Variants in SIPA1L1 observed in about 807,000 individuals in gnomAD.
SIPA1L1 encodes signal-induced proliferation-associated 1-like protein 1.
Under a neutral mutation model 162.7 loss-of-function variants are expected in SIPA1L1, and 26 were observed. The observed-to-expected ratio is 0.16, with a 90% CI of 0.12 to 0.22. The LOEUF (loss-of-function observed/expected upper bound fraction) is 0.22, where lower values mean the gene tolerates loss of function less well. SIPA1L1 is among the 10% of genes least tolerant of loss of function. SIPA1L1 has a pLI of 1.00. For missense variants in SIPA1L1, 1,874 were observed against 2,241.0 expected, an observed-to-expected ratio of 0.84 and a Z score of 3.31; for synonymous variants, 829 against 837.4, an observed-to-expected ratio of 0.99 and a Z score of 0.17.
At chr14:71,345,363 T>C (rs1198230421) in intron 2 of SIPA1L1, among the ~76,000 whole-genome samples, 3 of 152,180 alleles carry the variant, frequency 2.0e-5, no homozygotes, top group African/African-American at 7.2e-5. Flanking sequence ...GTGCCAGTCC[T>C]TTGGGATTCA....
At chr14:71,446,191 A>G (rs1026161616) in intron 2 of SIPA1L1, among the ~76,000 whole-genome samples, 22 of 152,100 alleles carry the variant, frequency 1.4e-4, no homozygotes, top group African/African-American at 4.8e-4. Flanking sequence ...TTTGCCAACT[A>G]AGTAAGTAAA....
At chr14:71,392,166 T>C (rs1234214442) in intron 2 of SIPA1L1, among the ~76,000 whole-genome samples, 2 of 152,156 alleles carry the variant, frequency 1.3e-5, no homozygotes, top group Non-Finnish European at 2.9e-5. Flanking sequence ...ACCCATTATC[T>C]CCTGAGGACA....
chr14:71,535,433 G>A (rs2053809043), intron 4 of SIPA1L1, among the ~76,000 whole-genome samples: 1 of 152,142 alleles, frequency 6.6e-6, no homozygotes, highest in Non-Finnish European at 1.5e-5. Flanking sequence ...TGATTCTTAA[G>A]TGAAGGGATA....
chr14:71,350,196 G>C (rs2036558869), intron 2 of SIPA1L1, among the ~76,000 whole-genome samples: 1 of 151,584 alleles, frequency 6.6e-6, no homozygotes, highest in Non-Finnish European at 1.5e-5. Flanking sequence ...CACCGCGCCT[G>C]GTTAATGTGG....
intron 2 of SIPA1L1, among the ~76,000 whole-genome samples, chr14:71,444,630 A>G (rs2045203632): frequency 6.6e-6 from 1 of 152,106 alleles, no homozygotes; most frequent in African/African-American, 2.4e-5. Context: ...TCTCAGTGTG[A>G]CTGTGAAAAG....
At position 71,677,217 on chromosome 14, in the gene SIPA1L1, A is replaced by G. The variant is rs145783279; in HGVS notation, c.3104+4595A>G. ...TGTGGTTTTGATTTGCATTTCTCTG[A>G]TGGCCAGTGATGATGAGCATTTTTT... On this transcript the variant is annotated intron_variant, in intron 12 of 23. Transcript: ENST00000381232. Among the ~76,000 whole-genome samples the G allele has an allele frequency of 5.6e-4, 86 of 152,310 alleles. No homozygotes were observed. In the East Asian group the frequency reaches 0.014, roughly 25 times the overall value.
chr14:71,573,800 G>C (rs1282066661), intron 4 of SIPA1L1: 1 of 439,832 alleles, frequency 2.3e-6, no homozygotes, highest in Non-Finnish European at 4.6e-6. Context: ...GTGGTTACTG[G>C]TATTCCAGTA....
intron 5 of SIPA1L1, among the ~76,000 whole-genome samples, chr14:71,594,502 A>G (rs1006712692): frequency 6.6e-6 from 1 of 152,188 alleles, no homozygotes; most frequent in African/African-American, 2.4e-5. Flanking sequence ...ATGCCTTACA[A>G]TTCAGTGTTC....
intron 4 of SIPA1L1, among the ~76,000 whole-genome samples, chr14:71,569,558 A>C (rs1031383202): frequency 8.5e-5 from 13 of 152,340 alleles, no homozygotes; most frequent in African/African-American, 3.1e-4. Flanking sequence ...AACTACAAAT[A>C]TGGCATTTGT....
chr14:71,569,683 G>A (rs375122216), intron 4 of SIPA1L1, among the ~76,000 whole-genome samples: 49 of 152,284 alleles, frequency 3.2e-4, no homozygotes, highest in African/African-American at 1.0e-3. Flanking sequence ...AACTGGGTTC[G>A]AAAAATAGGA....
intron 2 of SIPA1L1, among the ~76,000 whole-genome samples, chr14:71,327,985 G>A (rs2034036445): frequency 6.6e-6 from 1 of 152,124 alleles, no homozygotes; most frequent in African/African-American, 2.4e-5. Context: ...CCTGAATATG[G>A]TTCCTAAACT....
At chr14:71,503,283 T>G (rs1470532144) in intron 2 of SIPA1L1, among the ~76,000 whole-genome samples, 1 of 152,230 alleles carries the variant, frequency 6.6e-6, no homozygotes, top group South Asian at 2.1e-4. Context: ...TCTGGCATGT[T>G]ACCTGTTTTT....
At chr14:71,656,990 A>G (rs1306775273) in intron 8 of SIPA1L1, among the ~76,000 whole-genome samples, 1 of 152,202 alleles carries the variant, frequency 6.6e-6, no homozygotes, top group Non-Finnish European at 1.5e-5. Flanking sequence ...GCCTTTTGGT[A>G]TGTGTCAGAG....
intron 4 of SIPA1L1, among the ~76,000 whole-genome samples, chr14:71,584,872 C>T (rs1596276896): frequency 6.6e-6 from 1 of 152,100 alleles, no homozygotes; most frequent in Non-Finnish European, 1.5e-5. Context: ...AATTCTATTG[C>T]TTTTTACCAT....
intron 2 of SIPA1L1, among the ~76,000 whole-genome samples, chr14:71,384,740 T>G (rs1275034736): frequency 6.6e-6 from 1 of 152,192 alleles, no homozygotes; most frequent in Non-Finnish European, 1.5e-5. Context: ...TTAAACTCAT[T>G]CTTTGGATAT....
In SIPA1L1 at chr14:71,672,509, C is replaced by A. The variant is rs753072502; in HGVS notation, c.2991C>A (p.Ile997=). 25 of 1,614,190 alleles carry A rather than the reference C, an allele frequency of 1.5e-5. No individual in the cohort carries two copies. The highest frequency in any genetic ancestry group is 2.1e-5 in the Non-Finnish European group (25 of 1,180,026). The change falls in exon 12 of 24, where the codon ATC becomes ATA. Residue 997 remains isoleucine (I), a synonymous_variant. Transcript: ENST00000381232. ...GGCAGGGCAGTCGCCTGGTGGAGATCTGCAAGGTGGCGGTAGCCACTCTGA... is the reference window on the plus strand; with the variant it reads ...GGCAGGGCAGTCGCCTGGTGGAGATATGCAAGGTGGCGGTAGCCACTCTGA... ...GLRQGSRLVE[I]CKVAVATLSH...
At chr14:71,440,644 C>A (rs866873112) in intron 2 of SIPA1L1, among the ~76,000 whole-genome samples, 1 of 32,220 alleles carries the variant, frequency 3.1e-5, no homozygotes, top group African/African-American at 1.2e-4. Context: ...GAGAACCCAT[C>A]TCAAAAAAAA....
chr14:71,712,227 C>T (rs1197326205), intron 17 of SIPA1L1, among the ~76,000 whole-genome samples: 1 of 152,150 alleles, frequency 6.6e-6, no homozygotes, highest in Non-Finnish European at 1.5e-5. Flanking sequence ...GGCTCCATTC[C>T]TACCTTCTCT....
At chr14:71,509,391 T>C (rs1358864724) in intron 2 of SIPA1L1, among the ~76,000 whole-genome samples, 1 of 152,198 alleles carries the variant, frequency 6.6e-6, no homozygotes, top group Non-Finnish European at 1.5e-5. Flanking sequence ...GTCTACAAAT[T>C]TGGAGCTCCA....
Sources: gnomAD v4.1 joint callset for allele counts (sites outside exome capture counted in the v4.1 genomes callset) on GRCh38, gnomAD v4.1.1 for gene constraint, MANE v1.5 for transcripts, NCBI Gene and HGNC (gene_info 2026-07-23, HGNC 2026-07-21) for gene names.